The following PCDH15 variants were observed in gnomAD, a reference collection of about 807,000 sequenced individuals.
PCDH15 encodes protocadherin-15.
In PCDH15, 129 loss-of-function variants were observed where a neutral mutation model predicts 178.5. That is an observed-to-expected ratio of 0.72 (90% CI 0.63 to 0.84). PCDH15 has a LOEUF of 0.84. Among genes scored for constraint, PCDH15 ranks in the 40% least tolerant of loss-of-function variants. PCDH15 has a pLI of 0.00. For synonymous variants in PCDH15, 800 were observed against 732.0 expected (o/e 1.09, Z -1.50); for missense variants, 2,230 against 2,099.9 (o/e 1.06, Z -1.21).
chr10:55,149,047 C>G (rs1838609350), intron 2 of PCDH15, among the ~76,000 whole-genome samples: 1 of 151,210 alleles, frequency 6.6e-6, no homozygotes, highest in Non-Finnish European at 1.5e-5. Flanking sequence ...GAATATCTAG[C>G]TTTTGACATT....
intron 16 of PCDH15, among the ~76,000 whole-genome samples, chr10:54,084,042 A>G (rs1235336977): frequency 6.6e-6 from 1 of 151,466 alleles, no homozygotes; most frequent in African/African-American, 2.4e-5. Flanking sequence ...ATCCTGGCTA[A>G]CACAGTGAAA....
At chr10:53,837,471 T>A (rs2077373628) in intron 29 of PCDH15, among the ~76,000 whole-genome samples, 1 of 152,182 alleles carries the variant, frequency 6.6e-6, no homozygotes, top group Non-Finnish European at 1.5e-5. Context: ...TATGAGCTTT[T>A]TTATTTTTGA....
chr10:53,854,206 T>G (rs1049710873), intron 28 of PCDH15, among the ~76,000 whole-genome samples: 1 of 151,938 alleles, frequency 6.6e-6, no homozygotes, highest in African/African-American at 2.4e-5. Flanking sequence ...GTATTTAAAG[T>G]AGTAAAATTT....
chr10:55,084,497 C>T (rs906079879), intron 2 of PCDH15, among the ~76,000 whole-genome samples: 1 of 145,598 alleles, frequency 6.9e-6, no homozygotes, highest in African/African-American at 2.6e-5. Flanking sequence ...TTGGAAAACT[C>T]TCCAGGACAT....
In PCDH15 at chr10:55,237,976, G is replaced by A. The variant is rs1481883950; in HGVS notation, c.-155-71325C>T. 2.0e-5 allele frequency among the ~76,000 whole-genome samples: 3 copies of A among 151,876 alleles called. No individual in the cohort carries two copies. In the East Asian group the frequency reaches 5.8e-4, roughly 30 times the overall value. Reference sequence around the variant, plus strand: ...TTTAGTTACCACTTTGAATACAAAAGAGACCGTACAAATTCAAGTCTTTTT... The same window carrying A: ...TTTAGTTACCACTTTGAATACAAAAAAGACCGTACAAATTCAAGTCTTTTT... On this transcript the variant is annotated intron_variant, in intron 1 of 5. Coordinates refer to the PCDH15 transcript ENST00000458638.
intron 2 of PCDH15, among the ~76,000 whole-genome samples, chr10:55,364,651 A>AT (rs937531496): frequency 2.0e-5 from 3 of 151,952 alleles, no homozygotes; most frequent in Non-Finnish European, 4.4e-5. Context: ...CATGTCTTCA[A>AT]TTTTTTTCTG....
At chr10:55,244,876 G>A (rs1417431009) in intron 1 of PCDH15, among the ~76,000 whole-genome samples, 1 of 151,642 alleles carries the variant, frequency 6.6e-6, no homozygotes, top group Admixed American at 6.6e-5. Flanking sequence ...CGAAGATATG[G>A]TAAGTCTAAT....
chr10:55,036,638 C>T (rs1381003700), intron 2 of PCDH15, among the ~76,000 whole-genome samples: 3 of 152,168 alleles, frequency 2.0e-5, no homozygotes, highest in East Asian at 1.9e-4. Context: ...CTGCAATTTC[C>T]TTGACTTTTG....
intron 2 of PCDH15, among the ~76,000 whole-genome samples, chr10:55,556,099 T>C (rs1842086432): frequency 6.6e-6 from 1 of 152,138 alleles, no homozygotes; most frequent in Non-Finnish European, 1.5e-5. Flanking sequence ...ACACACACTA[T>C]AGCTCTAGAT....
intron 15 of PCDH15, among the ~76,000 whole-genome samples, chr10:54,101,933 C>T (rs2094819802): frequency 6.6e-6 from 1 of 151,952 alleles, no homozygotes; most frequent in Admixed American, 6.6e-5. Context: ...CATGACCACA[C>T]CACTACACTC....
rs181146252 is a variant in PCDH15 at position 53,917,928 on chromosome 10, T to C, written c.3374-14558A>G. Among the ~76,000 whole-genome samples the C allele has an allele frequency of 5.6e-3, 852 of 152,212 alleles. 9 individuals carry two copies. Among genetic ancestry groups the C allele is most frequent in the African/African-American group, 0.019 (799 of 41,544 alleles). On this transcript the variant is annotated intron_variant, in intron 25 of 37. Coordinates refer to ENST00000644397, the MANE Select transcript of PCDH15 (RefSeq NM_001384140.1). ...GGCACCTCCCCCTCCCTCTTGCTCC[T>C]GCTCTGGCCATATAACGCACTGGCT...
At chr10:55,254,998 A>T (rs937851053) in intron 1 of PCDH15, among the ~76,000 whole-genome samples, 59 of 151,958 alleles carry the variant, frequency 3.9e-4, no homozygotes, top group African/African-American at 1.4e-3. Context: ...CAGGTGCACA[A>T]TGTGCAGGTT....
chr10:55,003,887 G>T (rs1298680428), intron 2 of PCDH15, among the ~76,000 whole-genome samples: 3 of 152,008 alleles, frequency 2.0e-5, no homozygotes, highest in African/African-American at 7.3e-5. Flanking sequence ...AGTATCTCAA[G>T]TTGGGGCCTG....
At chr10:54,737,711 G>C (rs1250343580) in intron 1 of PCDH15, among the ~76,000 whole-genome samples, 1 of 152,020 alleles carries the variant, frequency 6.6e-6, no homozygotes, top group Admixed American at 6.6e-5. Context: ...TGATGTGTTT[G>C]AAGTTCTGAA....
intron 13 of PCDH15, among the ~76,000 whole-genome samples, chr10:54,166,269 T>A (rs1329028835): frequency 6.6e-6 from 1 of 152,206 alleles, no homozygotes; most frequent in Non-Finnish European, 1.5e-5. Context: ...ATTTAACAAC[T>A]CAATAATTGT....
intron 2 of PCDH15, among the ~76,000 whole-genome samples, chr10:54,992,094 A>G (rs960736987): frequency 5.3e-5 from 8 of 152,250 alleles, no homozygotes; most frequent in Non-Finnish European, 8.8e-5. Flanking sequence ...AAAAGAAAAA[A>G]TAAAGAATTT....
At chr10:55,599,868 A>C in intron 2 of PCDH15, 5 of 1,412,576 alleles carry the variant, frequency 3.5e-6, no homozygotes, top group Non-Finnish European at 4.7e-6. Context: ...AGGTAGCATA[A>C]TCACTTGTTC....
In PCDH15 at chr10:55,239,103, A is replaced by G. The variant is rs182860491; in HGVS notation, c.-155-72452T>C. Among the ~76,000 whole-genome samples, 365 of 152,270 alleles carry G rather than the reference A, an allele frequency of 2.4e-3. 2 individuals carry two copies. Among genetic ancestry groups the G allele is most frequent in the African/African-American group, 8.4e-3 (350 of 41,562 alleles). On this transcript the variant is annotated intron_variant, in intron 1 of 5. Transcript: ENST00000458638. ...TTTTAGCTTCCACAAATGAGTAAGAATATGTGAAATTTGTCTTTCGGCTTG... is the reference window on the plus strand; with the variant it reads ...TTTTAGCTTCCACAAATGAGTAAGAGTATGTGAAATTTGTCTTTCGGCTTG...
chr10:54,911,640 G>A (rs1402760209), intron 2 of PCDH15, among the ~76,000 whole-genome samples: 2 of 152,122 alleles, frequency 1.3e-5, no homozygotes, highest in East Asian at 3.9e-4. Context: ...ATATTGAATT[G>A]TAATCCCCAG....
Sources: gnomAD v4.1 joint callset for allele counts (sites outside exome capture counted in the v4.1 genomes callset) on GRCh38, gnomAD v4.1.1 for gene constraint, MANE v1.5 for transcripts, NCBI Gene and HGNC (gene_info 2026-07-23, HGNC 2026-07-21) for gene names.